Variants in ARHGAP32 observed in about 807,000 individuals in gnomAD.
The protein encoded by ARHGAP32 is Rho GTPase activating protein 32.
Under a neutral mutation model 186.5 loss-of-function variants are expected in ARHGAP32, and 51 were observed. That is an observed-to-expected ratio of 0.27 (90% CI 0.22 to 0.35). The LOEUF is 0.35. ARHGAP32 is among the 10% of genes least tolerant of loss of function. The probability of loss-of-function intolerance (pLI) is 1.00; values close to 1 mark genes in which losing one functional copy is unlikely to be tolerated. For synonymous variants in ARHGAP32, 950 were observed against 964.3 expected, an observed-to-expected ratio of 0.99 and a Z score of 0.27; for missense variants, 2,186 against 2,623.5, an observed-to-expected ratio of 0.83 and a Z score of 3.64.
chr11:128,970,881 G>T lies in ARHGAP32; in HGVS notation c.4332C>A (p.Ser1444Arg). ...TTGAACTGCTGGTGGCATCTGCACTGCTGGAGTGTATGGCAGCAATCATCT... is the reference window on the plus strand; with the variant it reads ...TTGAACTGCTGGTGGCATCTGCACTTCTGGAGTGTATGGCAGCAATCATCT... ...ESKMIAAIHS[S>R]SADATSSSNY... Residue 1444 changes from serine (S) to arginine (R), a missense_variant, in exon 23 of 23, where the codon AGC becomes AGA. This residue lies in a region of ARHGAP32 where 1,502 missense variants were observed against 1,570.0 expected (regional missense o/e 0.96). Transcript: ENST00000682385. The surrounding 1 kb of genome is among the most constrained non-coding windows in gnomAD (Gnocchi z 5.8). The T allele has an allele frequency of 1.2e-6, 2 of 1,614,250 alleles. No homozygotes were observed. The highest frequency in any genetic ancestry group is 1.3e-5 in the African/African-American group (1 of 75,074).
intron 10 of ARHGAP32, among the ~76,000 whole-genome samples, chr11:129,060,231 GA>G (rs1940434416): frequency 6.6e-6 from 1 of 152,090 alleles, no homozygotes; most frequent in African/African-American, 2.4e-5. Context: ...GACAATCATA[GA>G]ATTTAAATGT....
At chr11:129,165,628 C>G (rs984691761) in intron 1 of ARHGAP32, among the ~76,000 whole-genome samples, 1 of 150,288 alleles carries the variant, frequency 6.7e-6, no homozygotes, top group African/African-American at 2.5e-5. Flanking sequence ...AAAAAATAGT[C>G]AAACCAGAAA....
At chr11:129,227,909 T>G (rs1044908856) in intron 1 of ARHGAP32, among the ~76,000 whole-genome samples, 1 of 152,148 alleles carries the variant, frequency 6.6e-6, no homozygotes, top group Non-Finnish European at 1.5e-5. Flanking sequence ...CAGGGTATTT[T>G]ACCCAACAAC....
At chr11:129,271,167 T>A (rs908770487) in intron 1 of ARHGAP32, among the ~76,000 whole-genome samples, 1 of 152,162 alleles carries the variant, frequency 6.6e-6, no homozygotes, top group Non-Finnish European at 1.5e-5. Context: ...TTATTTTGGC[T>A]CCCGTGTATG....
intron 11 of ARHGAP32, among the ~76,000 whole-genome samples, chr11:129,037,225 A>G (rs1469849323): frequency 1.3e-5 from 2 of 152,230 alleles, no homozygotes; most frequent in African/African-American, 4.8e-5. Flanking sequence ...GACTGGGCCT[A>G]GTGGCTCATG....
chr11:128,985,104 C>T (rs1205593757), intron 15 of ARHGAP32, among the ~76,000 whole-genome samples: 1 of 152,102 alleles, frequency 6.6e-6, no homozygotes, highest in Non-Finnish European at 1.5e-5. Flanking sequence ...ACTGCAACCT[C>T]CACCTCCCAA....
intron 1 of ARHGAP32, among the ~76,000 whole-genome samples, chr11:129,174,081 C>T (rs1025142172): frequency 2.6e-5 from 4 of 152,176 alleles, no homozygotes; most frequent in Non-Finnish European, 5.9e-5. Context: ...ACAGTGGGTG[C>T]GCGCACCGTG....
chr11:129,222,989 G>T (rs552964089), intron 1 of ARHGAP32, among the ~76,000 whole-genome samples: 1 of 152,246 alleles, frequency 6.6e-6, no homozygotes, highest in African/African-American at 2.4e-5. Context: ...AAATTTCTTA[G>T]TAGCTACTTT....
At chr11:129,112,958 T>C (rs1454755960) in intron 5 of ARHGAP32, among the ~76,000 whole-genome samples, 3 of 152,186 alleles carry the variant, frequency 2.0e-5, no homozygotes, top group African/African-American at 4.8e-5. Context: ...AATAACAGCT[T>C]CATTAATTTT....
intron 11 of ARHGAP32, among the ~76,000 whole-genome samples, chr11:129,000,004 C>T (rs905559621): frequency 1.3e-5 from 2 of 152,096 alleles, no homozygotes; most frequent in South Asian, 2.1e-4. Context: ...TAGAAATTTT[C>T]GTAGCACTTG....
intron 1 of ARHGAP32, among the ~76,000 whole-genome samples, chr11:129,275,456 T>C (rs1007596246): frequency 6.6e-6 from 1 of 152,232 alleles, no homozygotes; most frequent in African/African-American, 2.4e-5. Flanking sequence ...ATAGCTGGTA[T>C]GTGAACTCAA....
At chr11:129,097,012 T>TA (rs1388674995) in intron 5 of ARHGAP32, among the ~76,000 whole-genome samples, 3 of 148,446 alleles carry the variant, frequency 2.0e-5, no homozygotes, top group South Asian at 2.1e-4. Flanking sequence ...ACAAGAACAA[T>TA]AAAAAACAAA....
intron 2 of ARHGAP32, among the ~76,000 whole-genome samples, chr11:129,131,406 G>A (rs774000769): frequency 6.6e-6 from 1 of 152,074 alleles, no homozygotes; most frequent in Non-Finnish European, 1.5e-5. Context: ...AATGAGAAAT[G>A]AGAGAATAAT....
At chr11:129,266,945 C>A (rs564399130) in intron 1 of ARHGAP32, among the ~76,000 whole-genome samples, 6 of 152,204 alleles carry the variant, frequency 3.9e-5, no homozygotes, top group Admixed American at 3.3e-4. Flanking sequence ...GTATTTACAA[C>A]CCTAGGCCAA....
At chr11:129,125,797 G>GC in intron 2 of ARHGAP32, 1 of 338,256 alleles carries the variant, frequency 3.0e-6, no homozygotes, top group Non-Finnish European at 5.8e-6. Context: ...CTTTTTGAGG[G>GC]TTTTTTTTTT....
intron 6 of ARHGAP32, among the ~76,000 whole-genome samples, chr11:129,085,127 G>A (rs1376795652): frequency 1.3e-5 from 2 of 151,666 alleles, no homozygotes; most frequent in Non-Finnish European, 2.9e-5. Flanking sequence ...AGGCTTAAGC[G>A]ATCCTCTTGC....
chr11:129,180,725 A>C (rs1944037210), intron 1 of ARHGAP32, among the ~76,000 whole-genome samples: 1 of 152,154 alleles, frequency 6.6e-6, no homozygotes, highest in South Asian at 2.1e-4. Flanking sequence ...AGGGCTGCCA[A>C]CCATAATACC....
At chr11:129,121,419 T>C (rs993644123) in intron 5 of ARHGAP32, among the ~76,000 whole-genome samples, 1 of 152,012 alleles carries the variant, frequency 6.6e-6, no homozygotes, top group African/African-American at 2.4e-5. Flanking sequence ...AGATGTGATA[T>C]GTAGAGGCCA....
intron 10 of ARHGAP32, among the ~76,000 whole-genome samples, chr11:129,061,253 A>C (rs374901704): frequency 5.3e-5 from 8 of 152,184 alleles, no homozygotes; most frequent in African/African-American, 1.9e-4. Flanking sequence ...ATACAACTTT[A>C]AGGCATTTTC....
Sources: gnomAD v4.1 joint callset for allele counts (sites outside exome capture counted in the v4.1 genomes callset) on GRCh38, gnomAD v4.1.1 for gene constraint, gnomAD v4.1.1 regional missense constraint, Gnocchi (gnomAD v3.1) non-coding constraint, MANE v1.5 for transcripts, NCBI Gene and HGNC (gene_info 2026-07-23, HGNC 2026-07-21) for gene names.